Variants in CSMD1 observed in about 807,000 individuals in gnomAD.
CSMD1 encodes the protein CUB and sushi domain-containing protein 1.
A neutral mutation model predicts 417.5 loss-of-function variants in CSMD1; 213 were observed. The observed-to-expected ratio is 0.51, with a 90% CI of 0.46 to 0.57. The LOEUF (loss-of-function observed/expected upper bound fraction) is 0.57, where lower values mean the gene tolerates loss of function less well. Among genes scored for constraint, CSMD1 ranks in the 20% least tolerant of loss-of-function variants. The pLI is 0.00. For missense variants in CSMD1, 6,923 were observed against 4,529.7 expected (o/e 1.53, Z -15.17); for synonymous variants, 2,862 against 1,736.8 (o/e 1.65, Z -16.11).
rs184900893 is a variant in CSMD1 at position 4,650,304 on chromosome 8, C to T, written c.86-12746G>A. On this transcript the variant is annotated intron_variant, in intron 1 of 69. Coordinates refer to ENST00000635120, the MANE Select transcript of CSMD1 (RefSeq NM_033225.6). The stretch of plus-strand genomic sequence containing the variant: ...AGCTTGCAGTGAGCCTAGATGGTGC[C>T]ACTGCACTCCAGCCTGGGCAGCAGT... Among the ~76,000 whole-genome samples, 1,141 of 139,110 alleles carry T rather than the reference C, an allele frequency of 8.2e-3. 10 individuals are homozygous for T. Among genetic ancestry groups the T allele is most frequent in the African/African-American group, 0.019 (689 of 36,128 alleles). 91.3% of individuals were successfully genotyped at this position (139,110 alleles called of 152,430 possible). A position where few individuals can be genotyped will look rare whatever the true frequency, so the allele number is the denominator to read the frequency against.
chr8:4,897,072 T>C (rs1804543360), intron 1 of CSMD1, among the ~76,000 whole-genome samples: 1 of 152,082 alleles, frequency 6.6e-6, no homozygotes, highest in Non-Finnish European at 1.5e-5. Flanking sequence ...ATGACCGGCC[T>C]TTCCTGAGTG....
At chr8:3,148,217 C>G (rs978952991) in intron 40 of CSMD1, among the ~76,000 whole-genome samples, 1 of 152,136 alleles carries the variant, frequency 6.6e-6, no homozygotes, top group Non-Finnish European at 1.5e-5. Context: ...CTGCTATATT[C>G]CCATTTTGTT....
chr8:4,412,856 C>T (rs1371482817), intron 3 of CSMD1, among the ~76,000 whole-genome samples: 1 of 152,202 alleles, frequency 6.6e-6, no homozygotes, highest in East Asian at 1.9e-4. Context: ...AGAATGCCTG[C>T]TCAAACAAGG....
chr8:4,802,437 G>C (rs570905588), intron 1 of CSMD1, among the ~76,000 whole-genome samples: 1 of 152,040 alleles, frequency 6.6e-6, no homozygotes, highest in African/African-American at 2.4e-5. Flanking sequence ...CCTTTATCAT[G>C]TGTGCCATCT....
At chr8:3,618,908 G>C (rs1802280387) in intron 7 of CSMD1, among the ~76,000 whole-genome samples, 1 of 152,166 alleles carries the variant, frequency 6.6e-6, no homozygotes, top group Non-Finnish European at 1.5e-5. Flanking sequence ...CTGGCAGCAC[G>C]ATGGTCGCTC....
intron 5 of CSMD1, among the ~76,000 whole-genome samples, chr8:3,755,426 G>A (rs1209859812): frequency 1.3e-5 from 2 of 152,184 alleles, no homozygotes; most frequent in African/African-American, 4.8e-5. Flanking sequence ...TTGCATCTTG[G>A]TAACAAAATC....
intron 7 of CSMD1, among the ~76,000 whole-genome samples, chr8:3,682,946 A>T (rs1160251904): frequency 6.6e-6 from 1 of 152,162 alleles, no homozygotes; most frequent in African/African-American, 2.4e-5. Flanking sequence ...TATCGCAAGG[A>T]CCAAAAACCA....
chr8:3,341,636 A>G (rs1585025506), intron 23 of CSMD1, among the ~76,000 whole-genome samples: 1 of 152,188 alleles, frequency 6.6e-6, no homozygotes, highest in South Asian at 2.1e-4. Context: ...ATCCCAGGCC[A>G]ACGTTTTCTG....
At chr8:4,806,595 G>T (rs955180168) in intron 1 of CSMD1, among the ~76,000 whole-genome samples, 2 of 152,168 alleles carry the variant, frequency 1.3e-5, no homozygotes, top group African/African-American at 4.8e-5. Flanking sequence ...TTTCAAAAAG[G>T]TAATTAACTT....
intron 3 of CSMD1, among the ~76,000 whole-genome samples, chr8:4,186,545 C>T (rs879385532): frequency 1.9e-4 from 29 of 152,028 alleles, no homozygotes; most frequent in Admixed American, 4.6e-4. Flanking sequence ...CAGCATTATA[C>T]GAATATAAAA....
At chr8:3,593,549 G>C (rs1800955704) in intron 8 of CSMD1, among the ~76,000 whole-genome samples, 1 of 152,182 alleles carries the variant, frequency 6.6e-6, no homozygotes, top group Admixed American at 6.5e-5. Context: ...TTGAGAGAGA[G>C]TGAAGGGATG....
chr8:4,297,834 G>A (rs1012444789), intron 3 of CSMD1, among the ~76,000 whole-genome samples: 2 of 152,148 alleles, frequency 1.3e-5, no homozygotes, highest in Non-Finnish European at 2.9e-5. Flanking sequence ...TTCTGAATAT[G>A]CCATTATATA....
At chr8:3,452,703 T>G (rs2117113142) in intron 12 of CSMD1, among the ~76,000 whole-genome samples, 1 of 152,204 alleles carries the variant, frequency 6.6e-6, no homozygotes. Context: ...TTGATGTGCT[T>G]CTTGATTTGG....
intron 41 of CSMD1, among the ~76,000 whole-genome samples, chr8:3,139,612 A>G (rs924352349): frequency 2.0e-5 from 3 of 152,222 alleles, no homozygotes; most frequent in African/African-American, 7.2e-5. Flanking sequence ...GAATGTTTAC[A>G]TAAGTTTTCT....
chr8:4,180,727 G>C (rs1584970743), intron 3 of CSMD1, among the ~76,000 whole-genome samples: 1 of 152,116 alleles, frequency 6.6e-6, no homozygotes, highest in Non-Finnish European at 1.5e-5. Flanking sequence ...TAGAAAAATG[G>C]AAACATGGCA....
At chr8:3,381,574 G>A (rs539012295) in intron 18 of CSMD1, among the ~76,000 whole-genome samples, 1 of 152,094 alleles carries the variant, frequency 6.6e-6, no homozygotes, top group African/African-American at 2.4e-5. Flanking sequence ...CCAAAAATAT[G>A]ACAAATATTT....
At chr8:3,675,046 T>C (rs1178226377) in intron 7 of CSMD1, among the ~76,000 whole-genome samples, 1 of 152,204 alleles carries the variant, frequency 6.6e-6, no homozygotes, top group Non-Finnish European at 1.5e-5. Flanking sequence ...GATGTATTAA[T>C]ATCCACCTTT....
At chr8:3,628,674 C>T (rs927004922) in intron 7 of CSMD1, among the ~76,000 whole-genome samples, 8 of 152,100 alleles carry the variant, frequency 5.3e-5, no homozygotes, top group Non-Finnish European at 7.4e-5. Flanking sequence ...ACAGGCGCCC[C>T]GAGAAGGGGC....
intron 10 of CSMD1, among the ~76,000 whole-genome samples, chr8:3,508,506 T>TA (rs76431160): frequency 1.7e-3 from 250 of 148,600 alleles, no homozygotes; most frequent in South Asian, 1.9e-3. Context: ...TAAAGTATAA[T>TA]AAAAAAAAAA....
Sources: gnomAD v4.1 joint callset for allele counts (sites outside exome capture counted in the v4.1 genomes callset) on GRCh38, gnomAD v4.1.1 for gene constraint, MANE v1.5 for transcripts, NCBI Gene and HGNC (gene_info 2026-07-23, HGNC 2026-07-21) for gene names.